CSMD1: variants seen among roughly 807,000 people sequenced by gnomAD.
CSMD1 encodes CUB and Sushi multiple domains 1, also known as CUB and sushi domain-containing protein 1.
A neutral mutation model predicts 417.5 loss-of-function variants in CSMD1; 213 were observed. The ratio of observed to expected loss-of-function variants is 0.51; its 90% CI spans 0.46 to 0.57. The LOEUF (loss-of-function observed/expected upper bound fraction) is 0.57. CSMD1 is among the 20% of genes least tolerant of loss of function. The pLI, the probability that CSMD1 is intolerant of heterozygous loss-of-function variation, is 0.00. For missense variants in CSMD1, 6,923 were observed against 4,529.7 expected (o/e 1.53, Z -15.17); for synonymous variants, 2,862 against 1,736.8 (o/e 1.65, Z -16.11).
chr8:3,923,948 C>T (rs11783317), intron 5 of CSMD1, among the ~76,000 whole-genome samples: 39,938 of 152,104 alleles, frequency 0.26, 5,628 homozygotes, highest in East Asian at 0.42. Context: ...ACCATTATTA[C>T]AGTATTAGAA....
chr8:3,998,166 G>A (rs1003037944), intron 4 of CSMD1, 56 bp from the exon 5 acceptor site: 323 of 1,440,882 alleles, frequency 2.2e-4, no homozygotes, highest in Non-Finnish European at 2.8e-4. Flanking sequence ...TTTCATACAC[G>A]AGTGTGTCCA....
chr8:3,414,661 G>C (rs1813016888), intron 12 of CSMD1, among the ~76,000 whole-genome samples: 2 of 152,124 alleles, frequency 1.3e-5, no homozygotes, highest in South Asian at 4.1e-4. Flanking sequence ...CAGGACTCAG[G>C]AACCATGTGT....
chr8:4,393,057 C>T (rs1016790866), intron 3 of CSMD1, among the ~76,000 whole-genome samples: 1 of 152,132 alleles, frequency 6.6e-6, no homozygotes, highest in African/African-American at 2.4e-5. Flanking sequence ...CTCACTGTAC[C>T]CTCCGCCTCC....
chr8:3,930,118 C>T lies in CSMD1; in HGVS notation c.818+67785G>A, dbSNP rs572680599. On this transcript the variant is annotated intron_variant, in intron 5 of 69. Coordinates refer to ENST00000635120, the MANE Select transcript of CSMD1 (RefSeq NM_033225.6). ...TTATCTTTATTTGGTACTGGGAAAACCTACAAAAGCAGTACCCTACCATTG... is the reference window on the plus strand; with the variant it reads ...TTATCTTTATTTGGTACTGGGAAAATCTACAAAAGCAGTACCCTACCATTG... Among the ~76,000 whole-genome samples the T allele has an allele frequency of 9.3e-5, 14 of 150,304 alleles. 1 individual carries two copies. Among genetic ancestry groups the T allele is most frequent in the South Asian group, 4.3e-4 (2 of 4,650 alleles).
intron 3 of CSMD1, among the ~76,000 whole-genome samples, chr8:4,150,013 A>G (rs76904355): frequency 0.027 from 4,065 of 152,338 alleles, 190 homozygotes; most frequent in African/African-American, 0.091. Context: ...GGATGCCTTT[A>G]AAATATCCTC....
intron 11 of CSMD1, among the ~76,000 whole-genome samples, chr8:3,482,368 G>A (rs902461111): frequency 2.6e-5 from 4 of 152,072 alleles, no homozygotes; most frequent in South Asian, 2.1e-4. Flanking sequence ...AAGCAGGAGT[G>A]CCTATGTTAA....
At chr8:3,917,480 G>A (rs1402775037) in intron 5 of CSMD1, among the ~76,000 whole-genome samples, 1 of 152,026 alleles carries the variant, frequency 6.6e-6, no homozygotes, top group East Asian at 1.9e-4. Flanking sequence ...TACTATGGCT[G>A]AAAGTTTTGT....
intron 3 of CSMD1, among the ~76,000 whole-genome samples, chr8:4,386,708 G>C (rs982767979): frequency 6.6e-6 from 1 of 152,240 alleles, no homozygotes; most frequent in Non-Finnish European, 1.5e-5. Context: ...CAAGGATCCA[G>C]ATGGTAAGGG....
intron 27 of CSMD1, among the ~76,000 whole-genome samples, chr8:3,228,920 A>G (rs911181350): frequency 2.0e-5 from 3 of 152,102 alleles, no homozygotes; most frequent in African/African-American, 7.2e-5. Context: ...CTTGAGTAAA[A>G]CGCGTGACTG....
chr8:4,258,280 T>A (rs568533619), intron 3 of CSMD1, among the ~76,000 whole-genome samples: 1 of 126,956 alleles, frequency 7.9e-6, no homozygotes, highest in South Asian at 3.0e-4. Flanking sequence ...TGTGAGCTAT[T>A]ATGGTAAGGA....
intron 3 of CSMD1, among the ~76,000 whole-genome samples, chr8:4,248,740 C>G (rs761829696): frequency 3.3e-5 from 5 of 152,146 alleles, no homozygotes; most frequent in Non-Finnish European, 5.9e-5. Context: ...TATCAACTGA[C>G]ATTACATTAC....
At chr8:4,216,114 T>G (rs965948325) in intron 3 of CSMD1, among the ~76,000 whole-genome samples, 3 of 152,196 alleles carry the variant, frequency 2.0e-5, no homozygotes, top group Non-Finnish European at 4.4e-5. Context: ...CTTCTCAATC[T>G]GGCTGCCACC....
chr8:3,805,322 G>T (rs1032328949), intron 5 of CSMD1, among the ~76,000 whole-genome samples: 2 of 152,112 alleles, frequency 1.3e-5, no homozygotes, highest in African/African-American at 2.4e-5. Context: ...AGCCTCAAAG[G>T]CAAGAAGCTA....
chr8:3,220,685 G>T (rs1017780193), intron 28 of CSMD1, among the ~76,000 whole-genome samples: 1 of 152,112 alleles, frequency 6.6e-6, no homozygotes, highest in African/African-American at 2.4e-5. Context: ...ACAAAAATTA[G>T]CAGAGCATGG....
intron 1 of CSMD1, among the ~76,000 whole-genome samples, chr8:4,970,790 A>T (rs913857187): frequency 3.9e-5 from 6 of 152,124 alleles, no homozygotes; most frequent in Non-Finnish European, 8.8e-5. Context: ...TTTTCCAACT[A>T]CAGAATCTCA....
At chr8:3,589,358 A>C (rs145518757) in intron 8 of CSMD1, among the ~76,000 whole-genome samples, 1 of 147,606 alleles carries the variant, frequency 6.8e-6, no homozygotes, top group Non-Finnish European at 1.5e-5. Flanking sequence ...CACTGGACTG[A>C]GAAATGGATA....
chr8:2,978,878 T>C, intron 54 of CSMD1, 78 bp from the exon 55 acceptor site: 203 of 882,158 alleles, frequency 2.3e-4, no homozygotes, highest in Non-Finnish European at 3.0e-4. Context: ...TGAAGGCGAA[T>C]TCCTCATCAT....
intron 1 of CSMD1, among the ~76,000 whole-genome samples, chr8:4,767,148 C>T (rs553847834): frequency 1.3e-5 from 2 of 152,188 alleles, no homozygotes; most frequent in East Asian, 1.9e-4. Flanking sequence ...GGGTTAATAA[C>T]AGTTTGGACA....
chr8:4,360,476 T>A (rs866628134), intron 3 of CSMD1, among the ~76,000 whole-genome samples: 1 of 152,160 alleles, frequency 6.6e-6, no homozygotes, highest in South Asian at 2.1e-4. Flanking sequence ...TCTTTTTTCT[T>A]GCACATACTT....
Sources: gnomAD v4.1 joint callset for allele counts (sites outside exome capture counted in the v4.1 genomes callset) on GRCh38, gnomAD v4.1.1 for gene constraint, MANE v1.5 for transcripts, NCBI Gene and HGNC (gene_info 2026-07-23, HGNC 2026-07-21) for gene names.